Variants in KYNU observed in about 807,000 individuals in gnomAD.
The protein encoded by KYNU is L-kynurenine hydrolase.
In KYNU, 54 loss-of-function variants were observed where a neutral mutation model predicts 59.2. The ratio of observed to expected loss-of-function variants is 0.91; its 90% CI spans 0.73 to 1.14. The LOEUF (loss-of-function observed/expected upper bound fraction) is 1.14, where lower values mean the gene tolerates loss of function less well. Ranked by LOEUF, KYNU falls within the 50% of genes most tolerant of loss-of-function variation. The pLI, the probability that KYNU is intolerant of heterozygous loss-of-function variation, is 0.00. For missense variants in KYNU, 567 were observed against 554.4 expected (o/e 1.02, Z -0.23); for synonymous variants, 177 against 192.0 (o/e 0.92, Z 0.65).
intron 2 of KYNU, among the ~76,000 whole-genome samples, chr2:142,906,083 T>G: frequency 6.6e-6 from 1 of 152,028 alleles, no homozygotes; most frequent in Admixed American, 6.6e-5. Flanking sequence ...TCTGTCTCTC[T>G]CTCTCTCTCA....
chr2:142,886,255 C>T (rs1681507906), intron 2 of KYNU, among the ~76,000 whole-genome samples: 1 of 152,086 alleles, frequency 6.6e-6, no homozygotes, highest in Non-Finnish European at 1.5e-5. Flanking sequence ...GGTTTCGCAT[C>T]CTTTATAATA....
chr2:142,990,542 G>A lies in KYNU; in HGVS notation c.902+4521G>A, dbSNP rs542941637. Among the ~76,000 whole-genome samples, 39 of 151,854 alleles carry A rather than the reference G, an allele frequency of 2.6e-4. 1 individual carries two copies. In the South Asian group the frequency reaches 3.1e-3, roughly 12 times the overall value. ...GAGAGTCTACTATGAAAACAGGAGTGGATAATATGAGGTATTACAAATCCA... is the reference window on the plus strand; with the variant it reads ...GAGAGTCTACTATGAAAACAGGAGTAGATAATATGAGGTATTACAAATCCA... On this transcript the variant is annotated intron_variant, in intron 10 of 13. Coordinates refer to ENST00000264170, the MANE Select transcript of KYNU (RefSeq NM_003937.3).
rs1039532105 is a variant in KYNU at position 143,055,703 on chromosome 2, A to G, written c.*13531A>G. On this transcript the variant is annotated 3_prime_UTR_variant, in exon 14 of 14. Coordinates refer to ENST00000264170, the MANE Select transcript of KYNU (RefSeq NM_003937.3). ...GGAAGGAAAGGGAGGAGAGGAGAGG[A>G]GAGGTAGGAGGGAAGAAGAAAAAAA... is the stretch of plus-strand genomic sequence containing the variant. 9 of 152,016 alleles carry G rather than the reference A, an allele frequency of 5.9e-5. No homozygotes were observed. The highest frequency in any genetic ancestry group is 2.2e-4 in the African/African-American group (9 of 41,400). 9.4% of individuals were successfully genotyped at this position (152,016 alleles called of 1,614,324 possible). A position where few individuals can be genotyped will look rare whatever the true frequency, so the allele number is the denominator to read the frequency against.
At position 143,028,404 on chromosome 2, in the gene KYNU, C is replaced by A. The variant is rs113807947; in HGVS notation, c.903-1223C>A. 5.3e-5 allele frequency among the ~76,000 whole-genome samples: 8 copies of A among 150,166 alleles called. No individual in the cohort carries two copies. The South Asian group carries it at 1.7e-3, about 32-fold the overall frequency. The stretch of plus-strand genomic sequence containing the variant: ...GACTACAGGTGTATGCCACCACGCC[C>A]GTCTAATTTTTGTATTTTTAGTAGA... On this transcript the variant is annotated intron_variant, in intron 10 of 13. Coordinates refer to ENST00000264170, the MANE Select transcript of KYNU (RefSeq NM_003937.3).
At chr2:143,013,231 T>A (rs1686160760) in intron 10 of KYNU, among the ~76,000 whole-genome samples, 1 of 152,192 alleles carries the variant, frequency 6.6e-6, no homozygotes, top group African/African-American at 2.4e-5. Flanking sequence ...GACCTTATTA[T>A]TTTTTAGGGC....
chr2:142,934,488 A>T (rs1351805737), intron 4 of KYNU, among the ~76,000 whole-genome samples: 2 of 152,030 alleles, frequency 1.3e-5, no homozygotes, highest in Non-Finnish European at 2.9e-5. Context: ...TGAGGGTAGG[A>T]CTAAGAAAGT....
At chr2:143,005,850 A>T (rs1156521119) in intron 10 of KYNU, among the ~76,000 whole-genome samples, 8 of 152,128 alleles carry the variant, frequency 5.3e-5, no homozygotes, top group Admixed American at 5.2e-4. Flanking sequence ...ATAGAAAAGG[A>T]TGGAAAGCAA....
chr2:142,918,644 A>G lies in KYNU; in HGVS notation c.205A>G (p.Ile69Val), dbSNP rs777366701. 6.2e-7 allele frequency: 1 copy of G among 1,609,190 alleles called. No individual in the cohort carries two copies. Among genetic ancestry groups the G allele is most frequent in the Non-Finnish European group, 8.5e-7 (1 of 1,177,788 alleles). The change falls in exon 3 of 14, where the codon ATC (isoleucine) becomes GTC (valine). Residue 69 changes from isoleucine to valine, a missense_variant. Physicochemically the swap from Ile to Val is conservative, Grantham distance 29. Coordinates refer to ENST00000264170, the MANE Select transcript of KYNU (RefSeq NM_003937.3). ...ATTAGTGAATAAAGATGAAAATGCC[A>G]TCTATTTCTTGGGAAATTCTCTTGG... ...LSLVNKDENA[I>V]YFLGNSLGLQ...
chr2:143,032,203 G>A (rs529144779), intron 11 of KYNU, among the ~76,000 whole-genome samples: 16 of 151,984 alleles, frequency 1.1e-4, no homozygotes, highest in African/African-American at 2.2e-4. Flanking sequence ...GCGTGAACCC[G>A]TGAGGCGGAG....
intron 2 of KYNU, among the ~76,000 whole-genome samples, chr2:142,895,670 G>T (rs1681845082): frequency 6.6e-6 from 1 of 151,730 alleles, no homozygotes; most frequent in African/African-American, 2.4e-5. Context: ...CTCTTGACAG[G>T]TCTCATGTAT....
intron 10 of KYNU, chr2:142,988,921 A>T: frequency 6.3e-7 from 1 of 1,576,040 alleles, no homozygotes; most frequent in Non-Finnish European, 8.7e-7. Flanking sequence ...TCCAGTCATC[A>T]CTTCATTGTC....
chr2:142,891,328 G>A (rs1681705484), intron 2 of KYNU, among the ~76,000 whole-genome samples: 1 of 151,390 alleles, frequency 6.6e-6, no homozygotes, highest in African/African-American at 2.4e-5. Flanking sequence ...CTGTTATTTT[G>A]ATCTATATAG....
chr2:142,914,172 G>A (rs1360548804), intron 2 of KYNU, among the ~76,000 whole-genome samples: 2 of 152,178 alleles, frequency 1.3e-5, no homozygotes, highest in Non-Finnish European at 2.9e-5. Context: ...CCATGCCCAG[G>A]ATTGCAAAGG....
intron 4 of KYNU, among the ~76,000 whole-genome samples, chr2:142,953,088 C>T (rs564182734): frequency 9.2e-5 from 14 of 152,216 alleles, no homozygotes; most frequent in South Asian, 2.1e-4. Flanking sequence ...TCCCCCAAAC[C>T]GGAGGAAGCT....
chr2:143,002,467 T>A (rs1685731539), intron 10 of KYNU, among the ~76,000 whole-genome samples: 1 of 152,206 alleles, frequency 6.6e-6, no homozygotes, highest in Non-Finnish European at 1.5e-5. Flanking sequence ...TATTATTTCC[T>A]CCTGTGATAC....
rs1428102554 is a variant in KYNU at position 143,054,351 on chromosome 2, ATACTC to A, written c.*12184_*12188del. The A allele has an allele frequency of 5.9e-5, 9 of 152,172 alleles. No homozygotes were observed. The highest frequency in any genetic ancestry group is 1.9e-4 in the African/African-American group (8 of 41,434). The allele number at this position is 152,172 out of a possible 1,614,324, so 9.4% of individuals were successfully genotyped here. A position where few individuals can be genotyped will look rare whatever the true frequency, so the allele number is the denominator to read the frequency against. ...ATATATAATATAGAGCATATTATAA[ATACTC>A]TACTTTGGAAAATTATTCTTTATAG... On this transcript the variant is annotated 3_prime_UTR_variant, in exon 14 of 14. Transcript: ENST00000264170.
chr2:142,939,632 AAAAG>A (rs1338971106), intron 4 of KYNU, among the ~76,000 whole-genome samples: 1 of 151,298 alleles, frequency 6.6e-6, no homozygotes, highest in Non-Finnish European at 1.5e-5. Context: ...AGAAAAAAGA[AAAAG>A]AAAAGATAAC....
At chr2:143,038,808 C>T (rs114394466) in intron 12 of KYNU, among the ~76,000 whole-genome samples, 276 of 152,192 alleles carry the variant, frequency 1.8e-3, no homozygotes, top group African/African-American at 5.7e-3. Context: ...ACACATGCCA[C>T]GTGTACATAC....
chr2:143,000,091 C>T (rs140333818), intron 10 of KYNU, among the ~76,000 whole-genome samples: 16 of 152,022 alleles, frequency 1.1e-4, no homozygotes, highest in African/African-American at 3.1e-4. Flanking sequence ...AGTGACAGTC[C>T]GAAATAATTA....
Sources: gnomAD v4.1 joint callset for allele counts (sites outside exome capture counted in the v4.1 genomes callset) on GRCh38, gnomAD v4.1.1 for gene constraint, MANE v1.5 for transcripts, NCBI Gene and HGNC (gene_info 2026-07-23, HGNC 2026-07-21) for gene names.